Variants in SLIT2 observed in about 807,000 individuals in gnomAD.
The protein encoded by SLIT2 is slit homolog 2 protein.
In SLIT2, 41 loss-of-function variants were observed where a neutral mutation model predicts 185.7. That is an observed-to-expected ratio of 0.22 (90% confidence interval 0.17 to 0.29). The LOEUF (loss-of-function observed/expected upper bound fraction) is 0.29. Among genes scored for constraint, SLIT2 ranks in the 10% least tolerant of loss-of-function variants. The pLI, the probability that SLIT2 is intolerant of heterozygous loss-of-function variation, is 1.00. For missense variants in SLIT2, 1,571 were observed against 1,909.0 expected (o/e 0.82, Z 3.30); for synonymous variants, 693 against 680.2 (o/e 1.02, Z -0.29).
chr4:20,467,818 A>G lies in SLIT2; in HGVS notation c.462A>G (p.Lys154=). The G allele has an allele frequency of 6.4e-7, 1 of 1,570,398 alleles. No homozygotes were observed. Among genetic ancestry groups the G allele is most frequent in the Non-Finnish European group, 8.7e-7 (1 of 1,149,260 alleles). The part of the protein sequence containing the change: ...RKAFRGAVDI[K]NLQLDYNQIS... ...CTTTCCGTGGGGCAGTTGACATAAA[A>G]AATTTGTAAGTATCTATTTTTAAAT... The change falls in exon 5 of 37, where the codon AAA becomes AAG. Residue 154 remains lysine, a synonymous_variant. Coordinates refer to ENST00000504154, the MANE Select transcript of SLIT2 (RefSeq NM_004787.4).
intron 4 of SLIT2, among the ~76,000 whole-genome samples, chr4:20,463,448 G>GATAGATATATAGAT (rs1459962322): frequency 1.5e-5 from 1 of 67,318 alleles, no homozygotes; most frequent in African/African-American, 5.9e-5. Flanking sequence ...CTCAAACTGT[G>GATAGATATATAGAT]ATATATATAT....
At chr4:20,457,757 G>A (rs1045171507) in intron 4 of SLIT2, among the ~76,000 whole-genome samples, 4 of 152,088 alleles carry the variant, frequency 2.6e-5, no homozygotes, top group South Asian at 2.1e-4. Flanking sequence ...AAGTGTGTTC[G>A]GCACATACTG....
At chr4:20,422,331 A>T (rs946229876) in intron 4 of SLIT2, among the ~76,000 whole-genome samples, 1 of 152,172 alleles carries the variant, frequency 6.6e-6, no homozygotes, top group Non-Finnish European at 1.5e-5. Context: ...ATAGTCCCTC[A>T]TCTGTCTTTG....
intron 26 of SLIT2, among the ~76,000 whole-genome samples, chr4:20,561,584 G>C (rs1025109679): frequency 6.6e-6 from 1 of 151,560 alleles, no homozygotes; most frequent in Non-Finnish European, 1.5e-5. Context: ...CAGTTTTGAA[G>C]CATTATTTAG....
chr4:20,598,544 A>G, intron 33 of SLIT2, 149 bp downstream of exon 33: 1 of 801,518 alleles, frequency 1.2e-6, no homozygotes, highest in East Asian at 2.5e-5. Flanking sequence ...CCTGGCAGGA[A>G]CAGAGGGCAT....
intron 4 of SLIT2, among the ~76,000 whole-genome samples, chr4:20,270,060 G>T (rs1713446465): frequency 6.6e-6 from 1 of 151,706 alleles, no homozygotes; most frequent in Non-Finnish European, 1.5e-5. Flanking sequence ...ACCAATTTAA[G>T]TAAATTTTAA....
intron 30 of SLIT2, among the ~76,000 whole-genome samples, chr4:20,593,893 G>A (rs1294068134): frequency 6.7e-6 from 1 of 149,244 alleles, no homozygotes. Context: ...CTAAGTTATA[G>A]TTTTCTCATA....
intron 4 of SLIT2, among the ~76,000 whole-genome samples, chr4:20,288,644 A>G (rs929615388): frequency 1.3e-5 from 2 of 152,262 alleles, no homozygotes; most frequent in Non-Finnish European, 2.9e-5. Flanking sequence ...GGCTATGGTT[A>G]ATGGATTACC....
At chr4:20,465,555 A>T (rs1237171708) in intron 4 of SLIT2, among the ~76,000 whole-genome samples, 3 of 152,160 alleles carry the variant, frequency 2.0e-5, no homozygotes, top group East Asian at 3.9e-4. Context: ...GGACAACCAC[A>T]CATAAACCAT....
rs148343706 is a variant in SLIT2 at position 20,462,568 on chromosome 4, G to A, written c.396-5184G>A. Among the ~76,000 whole-genome samples, 934 of 152,200 alleles carry A rather than the reference G, an allele frequency of 6.1e-3. 5 individuals carry two copies. The highest frequency in any genetic ancestry group is 0.013 in the South Asian group (65 of 4,816). The stretch of plus-strand genomic sequence containing the variant: ...AGATGCTAACTCCTAACTTTATTAC[G>A]TAGTGTTCTCTAAAAACATTGCCTA... On this transcript the variant is annotated intron_variant, in intron 4 of 36. Coordinates refer to ENST00000504154, the MANE Select transcript of SLIT2 (RefSeq NM_004787.4).
chr4:20,360,286 C>T (rs1282114376), intron 4 of SLIT2, among the ~76,000 whole-genome samples: 12 of 152,042 alleles, frequency 7.9e-5, no homozygotes, highest in African/African-American at 2.7e-4. Flanking sequence ...AATGCTTATA[C>T]GTTAGTGGGA....
intron 4 of SLIT2, among the ~76,000 whole-genome samples, chr4:20,384,784 T>C (rs1724802696): frequency 6.6e-6 from 1 of 152,170 alleles, no homozygotes; most frequent in South Asian, 2.1e-4. Flanking sequence ...GCAGCACTTG[T>C]CAGTAATTAT....
In SLIT2 at chr4:20,601,868, A is replaced by G. The variant is rs538947909; in HGVS notation, c.3692+3473A>G. Among the ~76,000 whole-genome samples the G allele has an allele frequency of 1.2e-3, 179 of 152,316 alleles. 1 individual carries two copies. The highest frequency in any genetic ancestry group is 5.6e-3 in the South Asian group (27 of 4,828). On this transcript the variant is annotated intron_variant, in intron 33 of 36. Transcript: ENST00000504154. ...TTGCCATAATTCTATGTTATATAAA[A>G]TTTACTTTGGTAAAACATTGTTTTC... is the stretch of plus-strand genomic sequence containing the variant.
chr4:20,552,931 T>A (rs963071803), intron 25 of SLIT2, among the ~76,000 whole-genome samples: 1 of 152,200 alleles, frequency 6.6e-6, no homozygotes, highest in Admixed American at 6.5e-5. Context: ...CTTATAAAGT[T>A]ACTATTTAGG....
intron 23 of SLIT2, 118 bp from the exon 24 acceptor site, chr4:20,548,939 T>C: frequency 1.6e-6 from 1 of 640,278 alleles, no homozygotes; most frequent in Non-Finnish European, 2.8e-6. Flanking sequence ...CAATATATTG[T>C]GTGTTAACAC....
chr4:20,320,544 A>G (rs944374872), intron 4 of SLIT2, among the ~76,000 whole-genome samples: 4 of 152,042 alleles, frequency 2.6e-5, no homozygotes, highest in African/African-American at 9.7e-5. Flanking sequence ...GTGTTCCAGA[A>G]ATGCATTTGT....
chr4:20,544,826 G>T (rs1361624317), intron 21 of SLIT2, among the ~76,000 whole-genome samples: 1 of 151,954 alleles, frequency 6.6e-6, no homozygotes, highest in Non-Finnish European at 1.5e-5. Context: ...ACCTTCTGCT[G>T]TGTTTTCTGG....
chr4:20,383,596 ACT>A (rs1724702869), intron 4 of SLIT2, among the ~76,000 whole-genome samples: 1 of 152,112 alleles, frequency 6.6e-6, no homozygotes, highest in South Asian at 2.1e-4. Context: ...AACAACTGGA[ACT>A]CTCACATATC....
At chr4:20,451,342 C>A (rs1332775487) in intron 4 of SLIT2, among the ~76,000 whole-genome samples, 1 of 152,212 alleles carries the variant, frequency 6.6e-6, no homozygotes, top group Admixed American at 6.5e-5. Flanking sequence ...CGACTGACTT[C>A]TTTTTCCTTC....
Sources: gnomAD v4.1 joint callset for allele counts (sites outside exome capture counted in the v4.1 genomes callset) on GRCh38, gnomAD v4.1.1 for gene constraint, MANE v1.5 for transcripts, NCBI Gene and HGNC (gene_info 2026-07-23, HGNC 2026-07-21) for gene names.